Variants in SCN10A observed in about 807,000 individuals in gnomAD.
The protein encoded by SCN10A is sodium voltage-gated channel alpha subunit 10.
SCN10A carries 162 observed loss-of-function variants against 170.7 expected under a neutral mutation model. That is an observed-to-expected ratio of 0.95 (90% CI 0.84 to 1.08). SCN10A has a LOEUF of 1.08. Among genes scored for constraint, SCN10A ranks in the 50% least tolerant of loss-of-function variants. The pLI is 0.00. For synonymous variants in SCN10A, 985 were observed against 904.6 expected (o/e 1.09, Z -1.59); for missense variants, 2,527 against 2,436.9 (o/e 1.04, Z -0.78).
chr3:38,748,850 C>T (rs1246314718), intron 13 of SCN10A, among the ~76,000 whole-genome samples: 1 of 152,254 alleles, frequency 6.6e-6, no homozygotes, highest in East Asian at 1.9e-4. Flanking sequence ...TCTACTCTCA[C>T]AGTATCTTCC....
intron 5 of SCN10A, among the ~76,000 whole-genome samples, chr3:38,764,095 C>T (rs534255473): frequency 1.7e-4 from 26 of 152,340 alleles, no homozygotes; most frequent in African/African-American, 5.8e-4. Flanking sequence ...AGATGAAGAA[C>T]CTTCTTCAGA....
chr3:38,787,880 T>C (rs1483696573), intron 4 of SCN10A, among the ~76,000 whole-genome samples: 1 of 145,044 alleles, frequency 6.9e-6, no homozygotes, highest in Non-Finnish European at 1.5e-5. Flanking sequence ...TGTGTTCTCA[T>C]TGTTCAACTC....
rs767234541 is a variant in SCN10A at position 38,756,686 on chromosome 3, C to T, written c.1278G>A (p.Arg426=). 76 of 1,613,246 alleles carry T rather than the reference C, an allele frequency of 4.7e-5. 2 individuals carry two copies. The South Asian group carries it at 8.2e-4, about 17-fold the overall frequency. ...ACTCCTCACAAACCTCCTGCTCCTTCCGGAGCATCTCGAGGGCCTCCTGGA... is the reference window on the plus strand; with the variant it reads ...ACTCCTCACAAACCTCCTGCTCCTTTCGGAGCATCTCGAGGGCCTCCTGGA... The part of the protein sequence containing the change: ...KKFQEALEML[R]KEQEVLAALG... The change falls in exon 10 of 28, where the codon CGG becomes CGA. Residue 426 remains arginine, a synonymous_variant. Transcript: ENST00000449082.
At chr3:38,797,800 T>C (rs149745354) in intron 1 of SCN10A, among the ~76,000 whole-genome samples, 244 of 152,284 alleles carry the variant, frequency 1.6e-3, no homozygotes, top group Non-Finnish European at 2.7e-3. Context: ...AAGCCAGAAT[T>C]CCAGGTCCTG....
Position 38,729,148 on chromosome 3 carries a change from C to G in SCN10A, c.2281-247G>C, listed in dbSNP as rs7433306. Among the ~76,000 whole-genome samples, 105,861 of 152,014 alleles carry G rather than the reference C, an allele frequency of 0.7. 38,354 individuals are homozygous for G. The highest frequency in any genetic ancestry group is 0.91 in the African/African-American group (37,600 of 41,508). On this transcript the variant is annotated intron_variant, in intron 15 of 27. Coordinates refer to ENST00000449082, the MANE Select transcript of SCN10A (RefSeq NM_006514.4). The stretch of plus-strand genomic sequence containing the variant: ...TTGACTGTGGCTGAGTCAGGGTCTT[C>G]TACTGGGGTGGTGGCCTTGCGATCT...
intron 4 of SCN10A, among the ~76,000 whole-genome samples, chr3:38,773,738 AG>A (rs2064037561): frequency 6.6e-6 from 1 of 152,250 alleles, no homozygotes; most frequent in South Asian, 2.1e-4. Context: ...TTATATATGT[AG>A]TCATACAATG....
At chr3:38,793,702 C>T in intron 2 of SCN10A, 39 bp downstream of exon 2, 4 of 1,591,640 alleles carry the variant, frequency 2.5e-6, no homozygotes, top group Non-Finnish European at 3.4e-6. Flanking sequence ...ACTTCCTCTC[C>T]AAGAGCTGAG....
At position 38,739,704 on chromosome 3, in the gene SCN10A, A is replaced by G; in HGVS notation, c.2107-16T>C. ...TGGTAAAGACCTAGGAGTGGAAACA[A>G]GCTTTCATCACAGTGGGATCTGTGG... On this transcript the variant is annotated splice_polypyrimidine_tract_variant and intron_variant, in intron 14 of 27. Transcript: ENST00000449082. The G allele has an allele frequency of 3.1e-6, 5 of 1,603,962 alleles. No homozygotes were observed. Among genetic ancestry groups the G allele is most frequent in the Non-Finnish European group, 4.3e-6 (5 of 1,171,792 alleles).
At chr3:38,799,910 T>G (rs566316411) in intron 1 of SCN10A, among the ~76,000 whole-genome samples, 4 of 152,220 alleles carry the variant, frequency 2.6e-5, no homozygotes, top group African/African-American at 9.6e-5. Context: ...CAAAATCTTG[T>G]CCTAAGATAT....
At chr3:38,715,233 C>T (rs1245703817) in intron 21 of SCN10A, among the ~76,000 whole-genome samples, 2 of 152,146 alleles carry the variant, frequency 1.3e-5, no homozygotes, top group African/African-American at 4.8e-5. Flanking sequence ...GTCTGCCTCA[C>T]ATGGATAATC....
At chr3:38,797,840 A>G (rs2064349073) in intron 1 of SCN10A, among the ~76,000 whole-genome samples, 1 of 152,220 alleles carries the variant, frequency 6.6e-6, no homozygotes, top group Non-Finnish European at 1.5e-5. Context: ...AAGCAGACTC[A>G]GCTATGAGAC....
chr3:38,707,208 C>G, intron 26 of SCN10A, 71 bp downstream of exon 26: 6 of 1,525,078 alleles, frequency 3.9e-6, no homozygotes, highest in Non-Finnish European at 5.4e-6. Context: ...CAGGCCCCTG[C>G]CTGACACAGG....
At chr3:38,772,416 G>A (rs2064014220) in intron 4 of SCN10A, among the ~76,000 whole-genome samples, 2 of 152,124 alleles carry the variant, frequency 1.3e-5, no homozygotes, top group African/African-American at 4.8e-5. Context: ...TTGGCCAGGC[G>A]CTGTGGCTCA....
chr3:38,784,764 G>A (rs1473864716), intron 4 of SCN10A, among the ~76,000 whole-genome samples: 1 of 152,148 alleles, frequency 6.6e-6, no homozygotes, highest in Non-Finnish European at 1.5e-5. Flanking sequence ...TCCTTAAGCT[G>A]ATAAGCAACT....
In SCN10A at chr3:38,746,073, A is replaced by ATGTGTGTG. The variant is rs1553619569; in HGVS notation, c.1868-3545_1868-3544insCACACACA. 3.0e-3 allele frequency among the ~76,000 whole-genome samples: 281 copies of ATGTGTGTG among 94,814 alleles called. 34 individuals are homozygous for ATGTGTGTG. The East Asian group carries it at 0.042, about 14-fold the overall frequency. The allele number at this position is 94,814 out of a possible 152,430, so 62.2% of individuals were successfully genotyped here. A position where few individuals can be genotyped will look rare whatever the true frequency, so the allele number is the denominator to read the frequency against. ...TATGTGTGTGTATGTGTATATATAT[A>ATGTGTGTG]TATATATATATATATATATATATAT... On this transcript the variant is annotated intron_variant, in intron 13 of 27. Transcript: ENST00000449082.
Position 38,725,278 on chromosome 3 carries a change from G to T in SCN10A, c.3124C>A (p.His1042Asn). The T allele has an allele frequency of 6.3e-7, 1 of 1,597,822 alleles. No individual in the cohort carries two copies. The highest frequency in any genetic ancestry group is 8.6e-7 in the Non-Finnish European group (1 of 1,168,144). Reference protein sequence around the residue: ...QLQQVERCGDHLTPRSPGTGT... With the variant: ...QLQQVERCGDNLTPRSPGTGT... ...GTGCCTGGGCTCCTGGGTGTCAGGT[G>T]GTCCCCACACCTCTCGACTTGCTGC... The change falls in exon 18 of 28, where the codon CAC (histidine) becomes AAC (asparagine). Residue 1042 changes from histidine (H) to asparagine (N), a missense_variant. Physicochemically the swap from His to Asn is moderately conservative, Grantham distance 68 (BLOSUM62 1). Transcript: ENST00000449082.
intron 13 of SCN10A, 50 bp from the exon 14 acceptor site, chr3:38,742,579 AC>A (rs756733895): frequency 6.9e-7 from 1 of 1,439,960 alleles, no homozygotes; most frequent in East Asian, 2.3e-5. Context: ...GTCACCTTGG[AC>A]CCCAATTCTG....
At chr3:38,794,220 G>A (rs1315525233) in intron 1 of SCN10A, among the ~76,000 whole-genome samples, 178 bp from the exon 2 acceptor site, 3 of 151,994 alleles carry the variant, frequency 2.0e-5, no homozygotes, top group Non-Finnish European at 4.4e-5. Flanking sequence ...ATTCAGGGGA[G>A]GCTGTTTATT....
intron 5 of SCN10A, among the ~76,000 whole-genome samples, chr3:38,768,122 T>C (rs1157526867): frequency 2.0e-5 from 3 of 152,124 alleles, no homozygotes; most frequent in African/African-American, 7.2e-5. Flanking sequence ...CTTAAGTTTA[T>C]GTGGCTCCTT....
Sources: allele counts gnomAD v4.1 joint callset (sites outside exome capture counted in the v4.1 genomes callset), GRCh38; gene constraint gnomAD v4.1.1; transcripts MANE v1.5; gene names NCBI Gene and HGNC (gene_info 2026-07-23, HGNC 2026-07-21).